The following EPHA5 variants were observed in gnomAD, a reference collection of about 807,000 sequenced individuals.
The protein encoded by EPHA5 is ephrin type-A receptor 5.
Under a neutral mutation model 105.0 loss-of-function variants are expected in EPHA5, and 60 were observed. The observed-to-expected ratio is 0.57, with a 90% confidence interval of 0.46 to 0.71. The LOEUF (loss-of-function observed/expected upper bound fraction) is 0.71. Among genes scored for constraint, EPHA5 ranks in the 30% least tolerant of loss-of-function variants. The probability of loss-of-function intolerance (pLI) is 0.00; values close to 1 mark genes in which losing one functional copy is unlikely to be tolerated. For missense variants in EPHA5, 1,218 were observed against 1,274.7 expected (o/e 0.96, Z 0.68); for synonymous variants, 513 against 449.1 (o/e 1.14, Z -1.80).
chr4:65,472,859 A>T (rs1729427715), intron 5 of EPHA5, among the ~76,000 whole-genome samples: 1 of 152,184 alleles, frequency 6.6e-6, no homozygotes, highest in Non-Finnish European at 1.5e-5. Flanking sequence ...TGCAATTAAC[A>T]TCGAGTTCCT....
chr4:65,462,038 A>G (rs1443176732), intron 5 of EPHA5, among the ~76,000 whole-genome samples: 1 of 152,124 alleles, frequency 6.6e-6, no homozygotes, highest in African/African-American at 2.4e-5. Context: ...ACAGATTGAT[A>G]GGCAGATAGA....
intron 3 of EPHA5, among the ~76,000 whole-genome samples, chr4:65,576,665 A>G (rs1463334790): frequency 6.6e-6 from 1 of 152,174 alleles, no homozygotes; most frequent in Non-Finnish European, 1.5e-5. Flanking sequence ...AGTTACATAT[A>G]TATTTGAGGG....
At chr4:65,504,856 CA>C (rs2149248054) in intron 3 of EPHA5, among the ~76,000 whole-genome samples, 2 of 152,044 alleles carry the variant, frequency 1.3e-5, no homozygotes, top group East Asian at 3.9e-4. Flanking sequence ...AGGTATCTTT[CA>C]AAGCAGAGTT....
intron 3 of EPHA5, among the ~76,000 whole-genome samples, chr4:65,568,742 T>C (rs894575632): frequency 4.6e-5 from 7 of 151,016 alleles, no homozygotes; most frequent in African/African-American, 1.7e-4. Flanking sequence ...TTTCAAACCA[T>C]AACTGATAAA....
At chr4:65,454,666 A>C (rs1053258847) in intron 5 of EPHA5, among the ~76,000 whole-genome samples, 11 of 152,308 alleles carry the variant, frequency 7.2e-5, no homozygotes, top group African/African-American at 2.2e-4. Context: ...AAGTGGATGA[A>C]ACCAGTATGT....
At chr4:65,559,240 A>T (rs951825315) in intron 3 of EPHA5, among the ~76,000 whole-genome samples, 1 of 152,072 alleles carries the variant, frequency 6.6e-6, no homozygotes, top group Non-Finnish European at 1.5e-5. Flanking sequence ...TAATTTTTCA[A>T]TTTAAAATCT....
intron 6 of EPHA5, among the ~76,000 whole-genome samples, chr4:65,414,699 T>A (rs1383309541): frequency 6.6e-6 from 1 of 152,178 alleles, no homozygotes; most frequent in African/African-American, 2.4e-5. Context: ...AGTAATAAAT[T>A]TCTAAAACTT....
chr4:65,640,253 T>C (rs1178159931), intron 2 of EPHA5, among the ~76,000 whole-genome samples: 1 of 150,990 alleles, frequency 6.6e-6, no homozygotes, highest in East Asian at 2.0e-4. Context: ...TGGCCATGTG[T>C]AGACATTGAA....
intron 8 of EPHA5, among the ~76,000 whole-genome samples, chr4:65,388,487 C>T (rs200414548): frequency 1.9e-4 from 28 of 148,878 alleles, no homozygotes; most frequent in African/African-American, 2.5e-4. Context: ...CTGTTGTTTC[C>T]TGACTTTTTA....
At chr4:65,517,281 C>A (rs1174836973) in intron 3 of EPHA5, among the ~76,000 whole-genome samples, 1 of 151,814 alleles carries the variant, frequency 6.6e-6, no homozygotes, top group Non-Finnish European at 1.5e-5. Context: ...TAACTGCCAA[C>A]AGAGCCTTCT....
At chr4:65,668,022 C>T (rs932653747) in intron 1 of EPHA5, among the ~76,000 whole-genome samples, 14 of 152,038 alleles carry the variant, frequency 9.2e-5, no homozygotes, top group African/African-American at 2.9e-4. Flanking sequence ...TCAACTTTAT[C>T]AGAAAGGGAA....
chr4:65,474,580 A>T (rs1729612966), intron 5 of EPHA5, among the ~76,000 whole-genome samples: 1 of 152,152 alleles, frequency 6.6e-6, no homozygotes, highest in Non-Finnish European at 1.5e-5. Flanking sequence ...AAGATCAAAA[A>T]GCCACCATTC....
chr4:65,501,179 G>A lies in EPHA5; in HGVS notation c.911-5636C>T, dbSNP rs113392516. Among the ~76,000 whole-genome samples, 12 of 151,540 alleles carry A rather than the reference G, an allele frequency of 7.9e-5. 1 individual carries two copies. The highest frequency in any genetic ancestry group is 2.9e-4 in the African/African-American group (12 of 41,470). The stretch of plus-strand genomic sequence containing the variant: ...CTCAAAACATGTCATATTTTATATA[G>A]TATAAATATTATTGCTTATACCAAA... On this transcript the variant is annotated intron_variant, in intron 3 of 16. Coordinates refer to ENST00000613740, the MANE Select transcript of EPHA5 (RefSeq NM_001281766.3).
intron 16 of EPHA5, chr4:65,331,654 TA>T: frequency 9.1e-7 from 1 of 1,104,516 alleles, no homozygotes; most frequent in Non-Finnish European, 1.1e-6. Context: ...TCATATAACA[TA>T]GATACCAGTA....
At chr4:65,493,032 A>G (rs1163177094) in intron 4 of EPHA5, among the ~76,000 whole-genome samples, 1 of 150,328 alleles carries the variant, frequency 6.7e-6, no homozygotes, top group East Asian at 1.9e-4. Flanking sequence ...CTTGCATTTA[A>G]CACATTTCCT....
intron 3 of EPHA5, among the ~76,000 whole-genome samples, chr4:65,585,852 C>G (rs1229964643): frequency 2.0e-5 from 3 of 151,692 alleles, no homozygotes; most frequent in Non-Finnish European, 4.4e-5. Context: ...GACATATACT[C>G]CTTTTCAAGT....
chr4:65,355,723 C>T (rs1723237143), intron 11 of EPHA5, among the ~76,000 whole-genome samples: 1 of 151,644 alleles, frequency 6.6e-6, no homozygotes, highest in African/African-American at 2.4e-5. Context: ...ATCATTTGCC[C>T]AGTTTCAGGA....
intron 3 of EPHA5, among the ~76,000 whole-genome samples, chr4:65,527,042 T>C (rs191248603): frequency 2.8e-4 from 42 of 152,186 alleles, no homozygotes; most frequent in Admixed American, 5.2e-4. Context: ...AAAATATTCA[T>C]ATTGCCCAGT....
intron 3 of EPHA5, among the ~76,000 whole-genome samples, chr4:65,524,364 C>T (rs557358858): frequency 6.6e-6 from 1 of 151,820 alleles, no homozygotes; most frequent in Admixed American, 6.6e-5. Context: ...CATATAATAT[C>T]CTTTATTGTT....
Sources: gnomAD v4.1 joint callset for allele counts (sites outside exome capture counted in the v4.1 genomes callset) on GRCh38, gnomAD v4.1.1 for gene constraint, MANE v1.5 for transcripts, NCBI Gene and HGNC (gene_info 2026-07-23, HGNC 2026-07-21) for gene names.